The following CLSTN3 variants were observed in gnomAD, a reference collection of about 807,000 sequenced individuals.
CLSTN3 encodes the protein calsyntenin 3.
A neutral mutation model predicts 95.9 loss-of-function variants in CLSTN3; 36 were observed. The observed-to-expected ratio is 0.38, with a 90% CI of 0.29 to 0.50. CLSTN3 has a LOEUF of 0.50. CLSTN3 is among the 20% of genes least tolerant of loss of function. The probability of loss-of-function intolerance (pLI) is 0.95; values close to 1 mark genes in which losing one functional copy is unlikely to be tolerated. For missense variants in CLSTN3, 1,084 were observed against 1,268.8 expected (o/e 0.85, Z 2.21); for synonymous variants, 481 against 504.0 (o/e 0.95, Z 0.61).
chr12:7,136,504 A>G (rs1435678036), intron 6 of CLSTN3, 113 bp downstream of exon 6: 25 of 1,093,982 alleles, frequency 2.3e-5, no homozygotes, highest in Non-Finnish European at 3.0e-5. Context: ...GTGTTTATCC[A>G]TAGAGGTTGT....
rs976051987 is a variant in CLSTN3 at position 7,137,585 on chromosome 12, A to C, written c.1211-370A>C. Among the ~76,000 whole-genome samples, 1 of 152,140 alleles carries C rather than the reference A, an allele frequency of 6.6e-6. No homozygotes were observed. The highest frequency in any genetic ancestry group is 1.5e-5 in the Non-Finnish European group (1 of 68,026). On this transcript the variant is annotated intron_variant, in intron 7 of 17. Coordinates refer to ENST00000266546, the MANE Select transcript of CLSTN3 (RefSeq NM_014718.4). This position sits in a 1 kb window ranked among gnomAD's most constrained non-coding sequence, Gnocchi z 4.4. ...CTCTTTCATTTCTAGCCAATTCTCC[A>C]ACCTCATTTCTCTTGACCTTGACAA...
rs1939458477 is a variant in CLSTN3 at position 7,137,862 on chromosome 12, T to G, written c.1211-93T>G. 1.2e-6 allele frequency: 1 copy of G among 828,408 alleles called. No homozygotes were observed. Among genetic ancestry groups the G allele is most frequent in the Non-Finnish European group, 1.9e-6 (1 of 517,226 alleles). 51.3% of individuals were successfully genotyped at this position (828,408 alleles called of 1,614,324 possible). A position where few individuals can be genotyped will look rare whatever the true frequency, so the allele number is the denominator to read the frequency against. On this transcript the variant is annotated intron_variant, in intron 7 of 17. Coordinates refer to ENST00000266546, the MANE Select transcript of CLSTN3 (RefSeq NM_014718.4). This position sits in a 1 kb window ranked among gnomAD's most constrained non-coding sequence, Gnocchi z 4.4. ...AGAGAACGAGGGAATGAGAGAGGATTAAGAGAATCCAACATCCTCTCCTTC... is the reference window on the plus strand; with the variant it reads ...AGAGAACGAGGGAATGAGAGAGGATGAAGAGAATCCAACATCCTCTCCTTC...
chr12:7,146,457 C>T (rs1481068866), intron 12 of CLSTN3, among the ~76,000 whole-genome samples: 1 of 152,166 alleles, frequency 6.6e-6, no homozygotes, highest in African/African-American at 2.4e-5. Context: ...TTAAAGCTGC[C>T]AGCCATCTGG....
At chr12:7,140,138 A>G (rs967376088) in intron 8 of CLSTN3, among the ~76,000 whole-genome samples, 2 of 152,172 alleles carry the variant, frequency 1.3e-5, no homozygotes, top group African/African-American at 2.4e-5. Context: ...CCTGGGATCA[A>G]CAGCACCTGC....
intron 8 of CLSTN3, among the ~76,000 whole-genome samples, chr12:7,139,863 G>T (rs1939498238): frequency 6.6e-6 from 1 of 152,062 alleles, no homozygotes; most frequent in South Asian, 2.1e-4. Context: ...TGGCCAGGAT[G>T]GTCTTGATCT....
At chr12:7,142,055 A>G (rs1344385871) in intron 9 of CLSTN3, 31 bp from the exon 10 acceptor site, 3 of 1,429,234 alleles carry the variant, frequency 2.1e-6, no homozygotes, top group Non-Finnish European at 2.8e-6. Context: ...TGAGCTCACC[A>G]GCACTGTTTT....
At chr12:7,136,146 A>T in intron 5 of CLSTN3, 60 bp from the exon 6 acceptor site, 1 of 1,565,084 alleles carries the variant, frequency 6.4e-7, no homozygotes, top group African/African-American at 1.3e-5. Flanking sequence ...AGGAGCATGG[A>T]GAGGGGAGGC....
In CLSTN3 at chr12:7,135,402, T is replaced by C. The variant is rs1939388844; in HGVS notation, c.459T>C (p.Ala153=). The change falls in exon 4 of 18, where the codon GCT becomes GCC. Residue 153 remains alanine (A), a synonymous_variant. Coordinates refer to ENST00000266546, the MANE Select transcript of CLSTN3 (RefSeq NM_014718.4). ...TTGTGGAACGGCTGTATCGTGCGGC[T>C]GTGACAGAGGGGAAGCTGTACGATC... ...PVFVERLYRA[A]VTEGKLYDRI... 3.1e-6 allele frequency: 5 copies of C among 1,614,056 alleles called. No homozygotes were observed. The African/African-American group carries it at 6.7e-5, about 22-fold the overall frequency.
At chr12:7,135,988 C>T (rs753941634) in intron 5 of CLSTN3, 35 bp downstream of exon 5, 3 of 1,565,354 alleles carry the variant, frequency 1.9e-6, no homozygotes, top group Non-Finnish European at 2.6e-6. Context: ...TCTTGTGAAT[C>T]ATCTTTTTTC....
chr12:7,139,293 G>A (rs1390568726), intron 8 of CLSTN3, among the ~76,000 whole-genome samples: 1 of 152,206 alleles, frequency 6.6e-6, no homozygotes, highest in Non-Finnish European at 1.5e-5. Flanking sequence ...TAGATTGGGT[G>A]CTCCTGGGGG....
chr12:7,147,396 C>CAAAAAAAA lies in CLSTN3; in HGVS notation c.1848-1554_1848-1547dup, dbSNP rs56109046. ...CCTGGGCAACAGAGAGAGACTCTGC[C>CAAAAAAAA]AAAAAAAAAAAAAAAAAAAAAAAAA... is the stretch of plus-strand genomic sequence containing the variant. On this transcript the variant is annotated intron_variant, in intron 12 of 17. Transcript: ENST00000266546. 1.5e-3 allele frequency among the ~76,000 whole-genome samples: 78 copies of CAAAAAAAA among 50,564 alleles called. 5 individuals carry two copies. Among genetic ancestry groups the CAAAAAAAA allele is most frequent in the African/African-American group, 5.0e-3 (55 of 11,102 alleles). 33.2% of individuals were successfully genotyped at this position (50,564 alleles called of 152,430 possible). A position where few individuals can be genotyped will look rare whatever the true frequency, so the allele number is the denominator to read the frequency against.
At position 7,136,406 on chromosome 12, in the gene CLSTN3, A is replaced by G. The variant is rs1939421909; in HGVS notation, c.928+15A>G. The G allele has an allele frequency of 1.3e-6, 2 of 1,592,996 alleles. No individual in the cohort carries two copies. Among genetic ancestry groups the G allele is most frequent in the Non-Finnish European group, 1.7e-6 (2 of 1,168,158 alleles). On this transcript the variant is annotated intron_variant, in intron 6 of 17. Transcript: ENST00000266546. ...GAAACTCTGTGGTAGGTGTGCCCCCAACACTGCCTCAGGCCTATCCCTTCC... is the reference window on the plus strand; with the variant it reads ...GAAACTCTGTGGTAGGTGTGCCCCCGACACTGCCTCAGGCCTATCCCTTCC...
intron 6 of CLSTN3, 34 bp from the exon 7 acceptor site, chr12:7,136,795 G>A (rs1226317658): frequency 8.7e-6 from 14 of 1,607,150 alleles, no homozygotes; most frequent in Non-Finnish European, 1.1e-5. Flanking sequence ...CTGCTTCTTG[G>A]CTCTGACACT....
intron 12 of CLSTN3, among the ~76,000 whole-genome samples, chr12:7,143,983 C>T (rs753435783): frequency 6.6e-6 from 1 of 152,246 alleles, no homozygotes; most frequent in Admixed American, 6.5e-5. Context: ...CCTGTAATCC[C>T]AGCACTTTGG....
chr12:7,138,099 G>A (rs376514416), intron 8 of CLSTN3, 32 bp downstream of exon 8: 83 of 1,534,464 alleles, frequency 5.4e-5, no homozygotes, highest in Non-Finnish European at 7.2e-5. Flanking sequence ...TGGGAGGGCT[G>A]AGTAGATGTG....
At position 7,157,890 on chromosome 12, in the gene CLSTN3, G is replaced by A; in HGVS notation, c.2731-51G>A. 2.6e-6 allele frequency: 4 copies of A among 1,544,664 alleles called. No homozygotes were observed. The highest frequency in any genetic ancestry group is 3.5e-6 in the Non-Finnish European group (4 of 1,146,216). On this transcript the variant is annotated intron_variant, in intron 17 of 17. Coordinates refer to ENST00000266546, the MANE Select transcript of CLSTN3 (RefSeq NM_014718.4). The surrounding 1 kb of genome is among the most constrained non-coding windows in gnomAD (Gnocchi z 5.9). ...AAGTGTGGTCCCTGAAAGAGAGGCT[G>A]GGATGTGTGCAGGCCATTGATCCCT...
intron 16 of CLSTN3, among the ~76,000 whole-genome samples, chr12:7,152,058 G>GAA (rs779248525): frequency 1.5e-4 from 10 of 67,914 alleles, no homozygotes; most frequent in South Asian, 4.7e-4. Flanking sequence ...TGTCTCAAAG[G>GAA]AAAAAAAAAA....
At chr12:7,155,461 C>T (rs1031058772) in intron 16 of CLSTN3, among the ~76,000 whole-genome samples, 1 of 152,224 alleles carries the variant, frequency 6.6e-6, no homozygotes, top group African/African-American at 2.4e-5. Flanking sequence ...AGCTCGTCAT[C>T]GTTGTGTGCT....
chr12:7,147,977 A>G (rs768863308), intron 12 of CLSTN3, among the ~76,000 whole-genome samples: 19 of 152,260 alleles, frequency 1.2e-4, no homozygotes, highest in Admixed American at 9.2e-4. Context: ...CAATATGAAG[A>G]AATCTCATCT....
Sources: allele counts gnomAD v4.1 joint callset (sites outside exome capture counted in the v4.1 genomes callset), GRCh38; gene constraint gnomAD v4.1.1; non-coding constraint Gnocchi (gnomAD v3.1); transcripts MANE v1.5; gene names NCBI Gene and HGNC (gene_info 2026-07-23, HGNC 2026-07-21).